CPD: variants seen among roughly 807,000 people sequenced by gnomAD.
The protein encoded by CPD is carboxypeptidase D.
Under a neutral mutation model 138.3 loss-of-function variants are expected in CPD, and 69 were observed. That is an observed-to-expected ratio of 0.50 (90% CI 0.41 to 0.61). The LOEUF (loss-of-function observed/expected upper bound fraction) is 0.61. Among genes scored for constraint, CPD ranks in the 20% least tolerant of loss-of-function variants. The pLI is 0.00. For missense variants in CPD, 1,432 were observed against 1,733.3 expected (o/e 0.83, Z 3.09); for synonymous variants, 651 against 642.1 (o/e 1.01, Z -0.21).
intron 1 of CPD, among the ~76,000 whole-genome samples, chr17:30,381,665 C>G (rs952825627): frequency 2.0e-5 from 3 of 152,180 alleles, no homozygotes; most frequent in African/African-American, 7.2e-5. Flanking sequence ...CACAAGCACA[C>G]ACACAATTTG....
intron 6 of CPD, among the ~76,000 whole-genome samples, chr17:30,426,162 T>C (rs2143425788): frequency 1.4e-5 from 2 of 147,548 alleles, no homozygotes; most frequent in East Asian, 4.0e-4. Context: ...ATTGTGCCAT[T>C]GCACTCCAGC....
chr17:30,449,866 A>C (rs190261665), intron 13 of CPD, 118 bp downstream of exon 13: 29 of 790,302 alleles, frequency 3.7e-5, no homozygotes, highest in East Asian at 2.9e-4. Context: ...CTTGTAGTAC[A>C]TTATGAACTT....
At chr17:30,425,829 A>G (rs889293464) in intron 6 of CPD, among the ~76,000 whole-genome samples, 1 of 152,142 alleles carries the variant, frequency 6.6e-6, no homozygotes, top group African/African-American at 2.4e-5. Context: ...ATAAAAAGAT[A>G]ATGGTTTTAC....
chr17:30,450,340 G>T (rs540126878), intron 13 of CPD: 1 of 152,362 alleles, frequency 6.6e-6, no homozygotes, highest in African/African-American at 2.4e-5. Flanking sequence ...GATTACAGGC[G>T]TGAGCCATGG....
intron 3 of CPD, 131 bp from the exon 4 acceptor site, chr17:30,421,533 A>G (rs1912265448): frequency 9.6e-6 from 7 of 731,060 alleles, no homozygotes; most frequent in South Asian, 8.9e-5. Context: ...ACTTCAAGGG[A>G]TTGAAAATGT....
Position 30,456,396 on chromosome 17 carries a change from C to T in CPD, c.3433+45C>T. On this transcript the variant is annotated intron_variant, in intron 16 of 20. Transcript: ENST00000225719. ...TTTGTTATTGCTGTTGTTGTTGTTG[C>T]TTTTGTGGGGAAAGGAGTTTCACCT... The T allele has an allele frequency of 6.8e-6, 11 of 1,609,442 alleles. No individual in the cohort carries two copies. The Middle Eastern group carries it at 6.6e-4, about 97-fold the overall frequency.
In CPD at chr17:30,395,724, T is replaced by TAA. The variant is rs11383738; in HGVS notation, c.994+10501_994+10502dup. Reference sequence around the variant, plus strand: ...GTGGTAGAGAATGGGAGAGTACATTTAAAAAAAAAAAAAAGGAAAATACAG... The same window carrying TAA: ...GTGGTAGAGAATGGGAGAGTACATTTAAAAAAAAAAAAAAAAGGAAAATACAG... On this transcript the variant is annotated intron_variant, in intron 2 of 20. Transcript: ENST00000225719. Among the ~76,000 whole-genome samples, 684 of 145,122 alleles carry TAA rather than the reference T, an allele frequency of 4.7e-3. 8 individuals are homozygous for TAA. Among genetic ancestry groups the TAA allele is most frequent in the African/African-American group, 0.014 (560 of 39,504 alleles).
chr17:30,449,048 C>A (rs1461614937), intron 12 of CPD, among the ~76,000 whole-genome samples: 2 of 151,966 alleles, frequency 1.3e-5, no homozygotes, highest in African/African-American at 2.4e-5. Context: ...TTCAAGGCTG[C>A]AGTGAGCTAT....
rs1398971091 is a variant in CPD at position 30,467,495 on chromosome 17, A to G, written c.*2681A>G. 2 of 152,088 alleles carry G rather than the reference A, an allele frequency of 1.3e-5. No individual in the cohort carries two copies. Among genetic ancestry groups the G allele is most frequent in the Non-Finnish European group, 1.5e-5 (1 of 67,996 alleles). The allele number at this position is 152,088 out of a possible 1,614,324, so 9.4% of individuals were successfully genotyped here. A position where few individuals can be genotyped will look rare whatever the true frequency, so the allele number is the denominator to read the frequency against. On this transcript the variant is annotated 3_prime_UTR_variant, in exon 21 of 21. Coordinates refer to ENST00000225719, the MANE Select transcript of CPD (RefSeq NM_001304.5). ...TGAGTGGGATCCTATCCAGTTGAGGAATGCTTGCAATGCTCATTGAAGGGA... is the reference window on the plus strand; with the variant it reads ...TGAGTGGGATCCTATCCAGTTGAGGGATGCTTGCAATGCTCATTGAAGGGA...
At chr17:30,400,890 G>A (rs1183384812) in intron 2 of CPD, among the ~76,000 whole-genome samples, 1 of 148,894 alleles carries the variant, frequency 6.7e-6, no homozygotes, top group Non-Finnish European at 1.5e-5. Flanking sequence ...TGTTAGCCAA[G>A]ATAGTCTTGA....
intron 1 of CPD, 148 bp from the exon 2 acceptor site, chr17:30,384,841 T>C: frequency 1.2e-6 from 1 of 825,294 alleles, no homozygotes; most frequent in Non-Finnish European, 1.9e-6. Flanking sequence ...GTTAGTCTCC[T>C]TATAACAGAT....
In CPD at chr17:30,442,400, C is replaced by T. The variant is rs747130294; in HGVS notation, c.2323C>T (p.Pro775Ser). 1.4e-5 allele frequency: 22 copies of T among 1,613,412 alleles called. No homozygotes were observed. The South Asian group carries it at 2.0e-4, about 14-fold the overall frequency. The change falls in exon 10 of 21, where the codon CCA becomes TCA. Residue 775 changes from proline (P) to serine (S), a missense_variant. Pro to Ser is a moderately conservative substitution (Grantham distance 74, BLOSUM62 -1). Around this residue, in one of 6 missense-constraint regions of CPD, gnomAD observed 297 missense variants for 405.3 expected, o/e 0.73. Coordinates refer to ENST00000225719, the MANE Select transcript of CPD (RefSeq NM_001304.5). ...GAAATATCCACTTGAGAAAGAGCTG[C>T]CAAACTTTTGGGAACAGAATCGAAG... ...CVKYPLEKEL[P>S]NFWEQNRRSL...
chr17:30,462,290 A>G, intron 19 of CPD, 80 bp from the exon 20 acceptor site: 3 of 1,216,648 alleles, frequency 2.5e-6, no homozygotes, highest in Non-Finnish European at 3.6e-6. Context: ...TTAGTTTGCT[A>G]TATGGGGCCT....
chr17:30,404,203 C>CAT (rs1911747189), intron 2 of CPD, among the ~76,000 whole-genome samples: 1 of 152,006 alleles, frequency 6.6e-6, no homozygotes. Flanking sequence ...AATTTTATAG[C>CAT]ATATAAGTTA....
intron 8 of CPD, among the ~76,000 whole-genome samples, chr17:30,437,158 T>C (rs1327939179): frequency 6.6e-6 from 1 of 152,100 alleles, no homozygotes. Context: ...TGGAGAATGC[T>C]AATAGGTATA....
chr17:30,448,969 A>G (rs913324849), intron 12 of CPD, among the ~76,000 whole-genome samples: 21 of 152,108 alleles, frequency 1.4e-4, no homozygotes, highest in African/African-American at 4.6e-4. Flanking sequence ...TTAGCTAGGC[A>G]TGGTGGTGCA....
chr17:30,446,962 A>G (rs549557992), intron 12 of CPD, among the ~76,000 whole-genome samples: 38 of 152,196 alleles, frequency 2.5e-4, no homozygotes, highest in Admixed American at 2.0e-4. Context: ...TTTTGGCTGC[A>G]TAAATGTCTT....
At chr17:30,408,232 A>C (rs1911858262) in intron 2 of CPD, among the ~76,000 whole-genome samples, 2 of 152,212 alleles carry the variant, frequency 1.3e-5, no homozygotes, top group Non-Finnish European at 1.5e-5. Context: ...GTTTGAAGTC[A>C]GGTAGCATGA....
At chr17:30,390,627 C>T (rs561794382) in intron 2 of CPD, among the ~76,000 whole-genome samples, 2 of 152,228 alleles carry the variant, frequency 1.3e-5, no homozygotes, top group Admixed American at 1.3e-4. Flanking sequence ...TGATTTGGGC[C>T]CTAGTGCCTT....
Sources: gnomAD v4.1 joint callset for allele counts (sites outside exome capture counted in the v4.1 genomes callset) on GRCh38, gnomAD v4.1.1 for gene constraint, gnomAD v4.1.1 regional missense constraint, MANE v1.5 for transcripts, NCBI Gene and HGNC (gene_info 2026-07-23, HGNC 2026-07-21) for gene names.